TRIM33: variants seen among roughly 807,000 people sequenced by gnomAD.
TRIM33 encodes the protein E3 ubiquitin-protein ligase TRIM33.
Under a neutral mutation model 125.4 loss-of-function variants are expected in TRIM33, and 20 were observed. The ratio of observed to expected loss-of-function variants is 0.16; its 90% confidence interval spans 0.11 to 0.23. The LOEUF is 0.23. TRIM33 is among the 10% of genes least tolerant of loss of function. The pLI is 1.00. For missense variants in TRIM33, 920 were observed against 1,411.4 expected (o/e 0.65, Z 5.58); for synonymous variants, 564 against 513.9 (o/e 1.10, Z -1.32).
At chr1:114,461,498 C>G (rs190062357) in intron 4 of TRIM33, among the ~76,000 whole-genome samples, 11 of 151,262 alleles carry the variant, frequency 7.3e-5, no homozygotes, top group African/African-American at 2.7e-4. Context: ...TGAGGGGAAA[C>G]TGGTCACACA....
chr1:114,478,205 C>A (rs1651091094), intron 1 of TRIM33, among the ~76,000 whole-genome samples: 1 of 151,200 alleles, frequency 6.6e-6, no homozygotes, highest in African/African-American at 2.4e-5. Flanking sequence ...CCATGGTCCC[C>A]ATTTAGTCCT....
At chr1:114,430,385 C>T (rs1391569775) in intron 6 of TRIM33, among the ~76,000 whole-genome samples, 1 of 152,130 alleles carries the variant, frequency 6.6e-6, no homozygotes, top group Non-Finnish European at 1.5e-5. Context: ...GCTGTGACTA[C>T]TGGTGCATGC....
intron 1 of TRIM33, among the ~76,000 whole-genome samples, chr1:114,487,903 CAAAA>C (rs573681532): frequency 8.2e-5 from 3 of 36,634 alleles, no homozygotes; most frequent in Admixed American, 3.8e-4. Flanking sequence ...GACTCCGTCT[CAAAA>C]AAAAAAAAAA....
chr1:114,508,009 T>C (rs1425934105), intron 1 of TRIM33, among the ~76,000 whole-genome samples: 1 of 152,024 alleles, frequency 6.6e-6, no homozygotes, highest in Non-Finnish European at 1.5e-5. Flanking sequence ...CTCAGCTACT[T>C]GGGTGGCTGA....
At chr1:114,407,196 AATAG>A in intron 13 of TRIM33, 96 bp from the exon 14 acceptor site, 3 of 1,042,518 alleles carry the variant, frequency 2.9e-6, no homozygotes, top group Non-Finnish European at 4.1e-6. Flanking sequence ...AAGTGAAGAC[AATAG>A]ACAATTAACT....
At chr1:114,478,385 C>G (rs969041032) in intron 1 of TRIM33, among the ~76,000 whole-genome samples, 4 of 152,068 alleles carry the variant, frequency 2.6e-5, no homozygotes, top group Admixed American at 2.0e-4. Flanking sequence ...TTTTGCTATA[C>G]CTGGGTTGGG....
chr1:114,441,874 T>C (rs557106456), intron 4 of TRIM33, among the ~76,000 whole-genome samples: 2 of 152,234 alleles, frequency 1.3e-5, no homozygotes, highest in Non-Finnish European at 2.9e-5. Context: ...ATGATTCTGC[T>C]GGGTAACTGA....
At chr1:114,485,111 A>G (rs1651596215) in intron 1 of TRIM33, among the ~76,000 whole-genome samples, 1 of 152,122 alleles carries the variant, frequency 6.6e-6, no homozygotes, top group African/African-American at 2.4e-5. Context: ...TCCCAAGAGC[A>G]GAGATAATCT....
intron 4 of TRIM33, among the ~76,000 whole-genome samples, chr1:114,458,879 G>A (rs1336564527): frequency 6.6e-6 from 1 of 152,128 alleles, no homozygotes; most frequent in Non-Finnish European, 1.5e-5. Flanking sequence ...TAGACAGGAT[G>A]AATTTAACAG....
intron 4 of TRIM33, among the ~76,000 whole-genome samples, chr1:114,440,635 C>G (rs1041143886): frequency 6.6e-6 from 1 of 152,000 alleles, no homozygotes; most frequent in Non-Finnish European, 1.5e-5. Context: ...GAGGAGCTGG[C>G]TGATTTAAAA....
intron 11 of TRIM33, among the ~76,000 whole-genome samples, chr1:114,417,855 C>T (rs1653033472): frequency 6.6e-6 from 1 of 152,054 alleles, no homozygotes; most frequent in African/African-American, 2.4e-5. Context: ...GGGGTTTCTC[C>T]ATGTTGGTCA....
chr1:114,507,099 A>G (rs143352099), intron 1 of TRIM33, among the ~76,000 whole-genome samples: 241 of 152,370 alleles, frequency 1.6e-3, no homozygotes, highest in Non-Finnish European at 2.6e-3. Context: ...GCTGTGCTAC[A>G]AAGAAAATAA....
chr1:114,425,369 TG>T, intron 9 of TRIM33, 79 bp downstream of exon 9: 1 of 1,533,578 alleles, frequency 6.5e-7, no homozygotes, highest in African/African-American at 1.4e-5. Context: ...CTTTGAAATG[TG>T]TAACTTAATT....
At chr1:114,491,391 A>G (rs1652053794) in intron 1 of TRIM33, among the ~76,000 whole-genome samples, 1 of 152,220 alleles carries the variant, frequency 6.6e-6, no homozygotes, top group South Asian at 2.1e-4. Context: ...TAACTAAACT[A>G]TTGCTCCTAG....
chr1:114,421,129 G>A (rs567561435), intron 11 of TRIM33, among the ~76,000 whole-genome samples: 11 of 152,170 alleles, frequency 7.2e-5, no homozygotes, highest in Non-Finnish European at 1.3e-4. Context: ...GCCAGGCACC[G>A]AAAGACAAAT....
At chr1:114,474,584 A>G (rs899089843) in intron 1 of TRIM33, among the ~76,000 whole-genome samples, 4 of 148,758 alleles carry the variant, frequency 2.7e-5, no homozygotes, top group Admixed American at 1.3e-4. Flanking sequence ...TATTTAAAAA[A>G]AAAAAAAAAA....
intron 1 of TRIM33, among the ~76,000 whole-genome samples, chr1:114,494,388 G>T (rs905523486): frequency 9.2e-5 from 14 of 152,304 alleles, no homozygotes; most frequent in African/African-American, 3.4e-4. Context: ...GGGGGAGACA[G>T]GAACTGGATG....
chr1:114,469,766 A>AT lies in TRIM33; in HGVS notation c.527-5379dup, dbSNP rs1344722361. ...GAACTGAAGATGTGAAATGCTGAAT[A>AT]TGTTGCCCACTCTTACAAAAAACTT... On this transcript the variant is annotated intron_variant, in intron 1 of 19. Coordinates refer to ENST00000358465, the MANE Select transcript of TRIM33 (RefSeq NM_015906.4). Among the ~76,000 whole-genome samples the AT allele has an allele frequency of 3.3e-5, 5 of 152,344 alleles. No homozygotes were observed. The East Asian group carries it at 9.6e-4, about 29-fold the overall frequency.
chr1:114,505,341 CCAGTTAAGTCA>C (rs1364870244), intron 1 of TRIM33, among the ~76,000 whole-genome samples: 2 of 152,068 alleles, frequency 1.3e-5, no homozygotes, highest in Non-Finnish European at 2.9e-5. Context: ...AGTCCCCAAA[CCAGTTAAGTCA>C]CACTGAGGCC....
Sources: allele counts gnomAD v4.1 joint callset (sites outside exome capture counted in the v4.1 genomes callset), GRCh38; gene constraint gnomAD v4.1.1; transcripts MANE v1.5; gene names NCBI Gene and HGNC (gene_info 2026-07-23, HGNC 2026-07-21).